FGD6: variants seen among roughly 807,000 people sequenced by gnomAD.
FGD6 encodes the protein FYVE, RhoGEF and PH domain containing 6.
A neutral mutation model predicts 149.4 loss-of-function variants in FGD6; 90 were observed. The ratio of observed to expected loss-of-function variants is 0.60; its 90% CI spans 0.51 to 0.72. The LOEUF (loss-of-function observed/expected upper bound fraction) is 0.72, where lower values mean the gene tolerates loss of function less well. Ranked by LOEUF, FGD6 falls within the 30% of genes least tolerant of loss-of-function variation. FGD6 has a pLI of 0.00. For missense variants in FGD6, 1,437 were observed against 1,684.8 expected (o/e 0.85, Z 2.57); for synonymous variants, 527 against 584.0 (o/e 0.90, Z 1.41).
chr12:95,148,834 A>G (rs1880136273), intron 5 of FGD6, among the ~76,000 whole-genome samples: 1 of 92,246 alleles, frequency 1.1e-5, no homozygotes, highest in Non-Finnish European at 2.0e-5. Context: ...ATATTATATA[A>G]TATATAGCAT....
Position 95,085,821 on chromosome 12 carries a change from CA to C in FGD6, c.4065del (p.Phe1355LeufsTer3). ...GNKKPWKHFWFVIKNKVLYTY... is the reference protein window; with the variant it reads ...GNKKPWKHFWXVIKNKVLYTY... Reference sequence around the variant, plus strand: ...GTATATAGTACTTTATTTTTTATGACAAACCAAAAGTGTTTCCAGGGTTTTT... The same window carrying C: ...GTATATAGTACTTTATTTTTTATGACAACCAAAAGTGTTTCCAGGGTTTTT... On this transcript the variant is annotated frameshift_variant, in exon 19 of 21. Transcript: ENST00000343958. LOFTEE classifies it high-confidence loss of function. 6.2e-7 allele frequency: 1 copy of C among 1,613,842 alleles called. No homozygotes were observed. Among genetic ancestry groups the C allele is most frequent in the Non-Finnish European group, 8.5e-7 (1 of 1,179,920 alleles).
At chr12:95,171,874 C>G (rs183921371) in intron 3 of FGD6, among the ~76,000 whole-genome samples, 27 of 152,124 alleles carry the variant, frequency 1.8e-4, no homozygotes, top group Admixed American at 3.9e-4. Context: ...TGTGCTCCCC[C>G]CAAACTCATA....
intron 2 of FGD6, among the ~76,000 whole-genome samples, chr12:95,195,484 C>T (rs1238699471): frequency 3.3e-5 from 5 of 151,668 alleles, no homozygotes; most frequent in Admixed American, 6.6e-5. Context: ...TGGACACGTA[C>T]CTACACCTGT....
intron 2 of FGD6, among the ~76,000 whole-genome samples, chr12:95,183,401 G>A (rs1881340208): frequency 6.6e-6 from 1 of 152,216 alleles, no homozygotes; most frequent in South Asian, 2.1e-4. Context: ...GTGGCCAGGT[G>A]TGGCATGCTG....
At chr12:95,115,447 G>A (rs1878978582) in intron 8 of FGD6, among the ~76,000 whole-genome samples, 1 of 140,546 alleles carries the variant, frequency 7.1e-6, no homozygotes, top group Admixed American at 7.8e-5. Flanking sequence ...TATTGCCCAG[G>A]CTGGTCTTTA....
chr12:95,183,568 A>T (rs1367656735), intron 2 of FGD6, among the ~76,000 whole-genome samples: 1 of 152,174 alleles, frequency 6.6e-6, no homozygotes, highest in African/African-American at 2.4e-5. Flanking sequence ...ACAACCTCCA[A>T]GGCCAGGAGC....
At chr12:95,109,475 C>T (rs547425252) in intron 9 of FGD6, among the ~76,000 whole-genome samples, 1 of 152,108 alleles carries the variant, frequency 6.6e-6, no homozygotes, top group Admixed American at 6.6e-5. Context: ...CAGTAGCATT[C>T]CCACTGAGAA....
In FGD6 at chr12:95,153,944, TGTGA is replaced by T. The variant is rs752520194; in HGVS notation, c.2587-955_2587-952del. On this transcript the variant is annotated intron_variant, in intron 3 of 20. Coordinates refer to ENST00000343958, the MANE Select transcript of FGD6 (RefSeq NM_018351.4). Reference sequence around the variant, plus strand: ...GTGTGTGTGTGTGTGTGTGTGTGTGTGTGAGTGAGAGAGAGAAGAGACAGAGAGA... The same window carrying T: ...GTGTGTGTGTGTGTGTGTGTGTGTGTGTGAGAGAGAGAAGAGACAGAGAGA... 8.2e-3 allele frequency among the ~76,000 whole-genome samples: 1,118 copies of T among 135,876 alleles called. 19 individuals are homozygous for T. The highest frequency in any genetic ancestry group is 0.015 in the African/African-American group (559 of 36,248). The allele number at this position is 135,876 out of a possible 152,430, so 89.1% of individuals were successfully genotyped here.
At chr12:95,097,746 C>T (rs941615607) in intron 14 of FGD6, among the ~76,000 whole-genome samples, 2 of 151,254 alleles carry the variant, frequency 1.3e-5, no homozygotes, top group African/African-American at 2.4e-5. Context: ...TTGTGAGTAA[C>T]GCTGTGAGTA....
At chr12:95,138,046 C>A (rs985325984) in intron 6 of FGD6, among the ~76,000 whole-genome samples, 2 of 151,696 alleles carry the variant, frequency 1.3e-5, no homozygotes, top group Non-Finnish European at 2.9e-5. Flanking sequence ...CATGGAGAAA[C>A]CCAGTCTCTA....
In FGD6 at chr12:95,141,341, T is replaced by C. The variant is rs776844151; in HGVS notation, c.2837+47A>G. On this transcript the variant is annotated intron_variant, in intron 6 of 20. Transcript: ENST00000343958. ...CACATGTGGGGCCCTTATGGCTTCA[T>C]CTAAAATTGGAAACACTAGGAAAAT... is the stretch of plus-strand genomic sequence containing the variant. 5.0e-6 allele frequency: 8 copies of C among 1,595,738 alleles called. No homozygotes were observed. In the East Asian group the frequency reaches 1.1e-4, roughly 22 times the overall value.
intron 1 of FGD6, among the ~76,000 whole-genome samples, chr12:95,214,758 C>G (rs999713206): frequency 1.3e-5 from 2 of 152,054 alleles, no homozygotes; most frequent in African/African-American, 4.8e-5. Flanking sequence ...GCTACTGGAC[C>G]AGCCAAAACG....
chr12:95,116,752 C>G, intron 8 of FGD6: 2 of 442,864 alleles, frequency 4.5e-6, no homozygotes, highest in Non-Finnish European at 9.1e-6. Context: ...ACTTATCCAT[C>G]CATCCATCCA....
chr12:95,126,232 C>G (rs1467778402), intron 8 of FGD6: 5 of 1,257,454 alleles, frequency 4.0e-6, no homozygotes, highest in Non-Finnish European at 5.7e-6. Context: ...AAATTTCCAG[C>G]AAAAAAGATG....
intron 14 of FGD6, among the ~76,000 whole-genome samples, chr12:95,104,346 C>T (rs1215366178): frequency 6.6e-6 from 1 of 152,118 alleles, no homozygotes; most frequent in African/African-American, 2.4e-5. Context: ...CACCTGTAAT[C>T]TCAGCACTTT....
intron 2 of FGD6, among the ~76,000 whole-genome samples, chr12:95,192,140 A>G (rs1334726671): frequency 1.3e-5 from 2 of 152,248 alleles, no homozygotes; most frequent in African/African-American, 4.8e-5. Context: ...AAAGTCTAAA[A>G]GTCTGTACAT....
At chr12:95,125,119 G>A (rs1469543388) in intron 8 of FGD6, among the ~76,000 whole-genome samples, 2 of 151,886 alleles carry the variant, frequency 1.3e-5, no homozygotes, top group Non-Finnish European at 2.9e-5. Flanking sequence ...AAATTATTCT[G>A]AGAAGGGCTC....
At chr12:95,162,056 G>A (rs187283514) in intron 3 of FGD6, among the ~76,000 whole-genome samples, 29 of 129,874 alleles carry the variant, frequency 2.2e-4, no homozygotes, top group African/African-American at 8.0e-4. Flanking sequence ...TTGAGGCCAG[G>A]AATTCAAGGC....
At chr12:95,100,280 C>T (rs1201930724) in intron 14 of FGD6, among the ~76,000 whole-genome samples, 1 of 152,186 alleles carries the variant, frequency 6.6e-6, no homozygotes, top group Non-Finnish European at 1.5e-5. Context: ...GCCCAGTAAA[C>T]ATTTGTTAAT....
Sources: allele counts gnomAD v4.1 joint callset (sites outside exome capture counted in the v4.1 genomes callset), GRCh38; gene constraint gnomAD v4.1.1; transcripts MANE v1.5; gene names NCBI Gene and HGNC (gene_info 2026-07-23, HGNC 2026-07-21).